ASTN1: variants seen among roughly 807,000 people sequenced by gnomAD.
ASTN1 encodes astrotactin 1.
Under a neutral mutation model 140.7 loss-of-function variants are expected in ASTN1, and 41 were observed. That is an observed-to-expected ratio of 0.29 (90% CI 0.23 to 0.38). The LOEUF (loss-of-function observed/expected upper bound fraction) is 0.38, where lower values mean the gene tolerates loss of function less well. Among genes scored for constraint, ASTN1 ranks in the 10% least tolerant of loss-of-function variants. The probability of loss-of-function intolerance (pLI) is 1.00; values close to 1 mark genes in which losing one functional copy is unlikely to be tolerated. For synonymous variants in ASTN1, 640 were observed against 652.2 expected (o/e 0.98, Z 0.29); for missense variants, 1,479 against 1,678.8 (o/e 0.88, Z 2.08).
At chr1:177,114,452 G>A (rs1258504414) in intron 1 of ASTN1, among the ~76,000 whole-genome samples, 1 of 151,668 alleles carries the variant, frequency 6.6e-6, no homozygotes, top group African/African-American at 2.4e-5. Context: ...TAATTAAATT[G>A]TTACAATTTT....
At chr1:177,145,224 C>G (rs987282840) in intron 1 of ASTN1, among the ~76,000 whole-genome samples, 7 of 152,130 alleles carry the variant, frequency 4.6e-5, no homozygotes, top group African/African-American at 1.7e-4. Flanking sequence ...GTAGCTCATA[C>G]TTTTCCAAGT....
chr1:176,869,082 T>C (rs1212724604), intron 21 of ASTN1, 55 bp from the exon 22 acceptor site: 2 of 1,222,956 alleles, frequency 1.6e-6, no homozygotes, highest in Admixed American at 2.9e-5. Flanking sequence ...ATAATGTATA[T>C]ATATACACAC....
intron 1 of ASTN1, among the ~76,000 whole-genome samples, chr1:177,108,591 CAT>C (rs754359515): frequency 1.3e-5 from 2 of 152,100 alleles, no homozygotes; most frequent in Non-Finnish European, 2.9e-5. Context: ...CCCCAACACA[CAT>C]ATCTTATTTT....
intron 1 of ASTN1, among the ~76,000 whole-genome samples, chr1:177,125,440 T>C (rs1003255044): frequency 3.3e-5 from 5 of 152,216 alleles, no homozygotes; most frequent in African/African-American, 7.2e-5. Flanking sequence ...AGATGAAGTA[T>C]TGACAAAGGC....
intron 8 of ASTN1, among the ~76,000 whole-genome samples, chr1:176,987,391 GT>G (rs1289680645): frequency 6.6e-6 from 1 of 152,196 alleles, no homozygotes; most frequent in East Asian, 1.9e-4. Context: ...CCTGAGGGCA[GT>G]AGTTAGCAGA....
intron 1 of ASTN1, among the ~76,000 whole-genome samples, chr1:177,151,470 T>C (rs986710649): frequency 6.6e-6 from 1 of 151,180 alleles, no homozygotes; most frequent in Non-Finnish European, 1.5e-5. Context: ...TTACCCTGAA[T>C]GACTGCCCTT....
chr1:176,894,583 C>T lies in ASTN1; in HGVS notation c.2919G>A (p.Val973=), dbSNP rs982512690. The change falls in exon 17 of 23, where the codon GTG becomes GTA. Residue 973 remains valine (V), a synonymous_variant. Coordinates refer to ENST00000361833, the MANE Select transcript of ASTN1 (RefSeq NM_004319.3). ...VTKAAPIYEL[V]TNNQTQRLLQ... ...TTACCCTCTGGGTCTGGTTGTTGGT[C>T]ACTAGTTCATAGATGGGGGCTGCTT... The T allele has an allele frequency of 2.5e-6, 4 of 1,614,058 alleles. No individual in the cohort carries two copies. Among genetic ancestry groups the T allele is most frequent in the Non-Finnish European group, 3.4e-6 (4 of 1,180,028 alleles).
At chr1:176,870,010 T>C (rs536873920) in intron 21 of ASTN1, among the ~76,000 whole-genome samples, 143 of 152,338 alleles carry the variant, frequency 9.4e-4, no homozygotes, top group African/African-American at 3.3e-3. Flanking sequence ...AATTTATGTC[T>C]CTGATATTTC....
chr1:177,024,493 A>G, intron 6 of ASTN1, 90 bp downstream of exon 6: 3 of 1,489,992 alleles, frequency 2.0e-6, no homozygotes, highest in Non-Finnish European at 1.8e-6. Flanking sequence ...GTAATAGGTA[A>G]CAGTGACTCC....
Position 177,044,510 on chromosome 1 carries a change from C to T in ASTN1, c.472-11661G>A, listed in dbSNP as rs1179969899. 2.0e-5 allele frequency among the ~76,000 whole-genome samples: 3 copies of T among 152,290 alleles called. No individual in the cohort carries two copies. In the East Asian group the frequency reaches 5.8e-4, roughly 29 times the overall value. On this transcript the variant is annotated intron_variant, in intron 2 of 22. Coordinates refer to ENST00000361833, the MANE Select transcript of ASTN1 (RefSeq NM_004319.3). ...GCCAGGACCTCGGGCGCAGGCCTGG[C>T]GCTCACCAGCCAAAGATGGGCTGTA...
In ASTN1 at chr1:177,024,595, G is replaced by A. The variant is rs1676006178; in HGVS notation, c.1258C>T (p.Leu420=). 1.2e-6 allele frequency: 2 copies of A among 1,613,966 alleles called. No homozygotes were observed. Among genetic ancestry groups the A allele is most frequent in the Non-Finnish European group, 8.5e-7 (1 of 1,179,926 alleles). Residue 420 remains leucine, a synonymous_variant, in exon 6 of 23, where the codon CTG becomes TTG. Transcript: ENST00000361833. ...VKITLHVPEH[L]IADGSRFILL... ...AGAACAGGCTCACCATCAGCAATCA[G>A]GTGCTCAGGGACATGCAGGGTGATC...
rs149601128 is a variant in ASTN1, at chr1:177,161,497, G to A, written c.283+2897C>T. ...ACAGAAATGGGATAGAGGCTTCATA[G>A]AGAGATGACTTGTGCATGGTTTAGA... On this transcript the variant is annotated intron_variant, in intron 1 of 22. Coordinates refer to ENST00000361833, the MANE Select transcript of ASTN1 (RefSeq NM_004319.3). Among the ~76,000 whole-genome samples, 21 of 152,308 alleles carry A rather than the reference G, an allele frequency of 1.4e-4. No homozygotes were observed. The East Asian group carries it at 3.5e-3, about 25-fold the overall frequency.
intron 1 of ASTN1, among the ~76,000 whole-genome samples, chr1:177,068,296 A>T (rs895998899): frequency 2.6e-5 from 4 of 152,208 alleles, no homozygotes; most frequent in Admixed American, 1.3e-4. Context: ...CAAAAGCTTT[A>T]GAGCAAAATA....
intron 17 of ASTN1, among the ~76,000 whole-genome samples, chr1:176,890,223 G>T (rs1306591508): frequency 1.3e-5 from 2 of 152,294 alleles, no homozygotes; most frequent in Non-Finnish European, 2.9e-5. Context: ...AAAGGAAAAG[G>T]TTGAGCTGCC....
chr1:176,935,030 C>A (rs1671378096), intron 15 of ASTN1, among the ~76,000 whole-genome samples: 1 of 152,190 alleles, frequency 6.6e-6, no homozygotes, highest in South Asian at 2.1e-4. Flanking sequence ...TCCTCTCCCC[C>A]AACCCTGCAG....
chr1:176,976,995 C>T (rs1232942267), intron 8 of ASTN1: 1 of 152,278 alleles, frequency 6.6e-6, no homozygotes, highest in Non-Finnish European at 1.5e-5. Flanking sequence ...CCTCCTCCAC[C>T]ACAGACGCTC....
rs369146212 is a variant in ASTN1, at chr1:176,975,543, T to C, written c.1524-10306A>G. 3.6e-4 allele frequency among the ~76,000 whole-genome samples: 55 copies of C among 152,328 alleles called. 1 individual carries two copies. In the South Asian group the frequency reaches 0.011, roughly 32 times the overall value. On this transcript the variant is annotated intron_variant, in intron 8 of 22. Coordinates refer to ENST00000361833, the MANE Select transcript of ASTN1 (RefSeq NM_004319.3). ...TCACTGGCCTCCGGGTATAAAGTAG[T>C]GGGTGGAGCAGAAGTTATCTGTAGT...
At chr1:176,966,977 A>G (rs1286131021) in intron 8 of ASTN1, among the ~76,000 whole-genome samples, 1 of 152,170 alleles carries the variant, frequency 6.6e-6, no homozygotes, top group Admixed American at 6.5e-5. Context: ...TATTTGTTAC[A>G]AAATATTGAT....
At chr1:177,138,778 G>A (rs1282839186) in intron 1 of ASTN1, among the ~76,000 whole-genome samples, 1 of 152,118 alleles carries the variant, frequency 6.6e-6, no homozygotes, top group Admixed American at 6.6e-5. Flanking sequence ...GAAGGCACAG[G>A]ACAGGGTGCA....
Sources: gnomAD v4.1 joint callset for allele counts (sites outside exome capture counted in the v4.1 genomes callset) on GRCh38, gnomAD v4.1.1 for gene constraint, MANE v1.5 for transcripts, NCBI Gene and HGNC (gene_info 2026-07-23, HGNC 2026-07-21) for gene names.